Variants in CCDC15 observed in about 807,000 individuals in gnomAD.
CCDC15 encodes coiled-coil domain containing 15, also known as coiled-coil domain-containing protein 15.
CCDC15 carries 105 observed loss-of-function variants against 114.5 expected under a neutral mutation model. The observed-to-expected ratio is 0.92, with a 90% CI of 0.78 to 1.08. The LOEUF is 1.08. Ranked by LOEUF, CCDC15 falls within the 50% of genes least tolerant of loss-of-function variation. The probability of loss-of-function intolerance (pLI) is 0.00; values close to 1 mark genes in which losing one functional copy is unlikely to be tolerated. For synonymous variants in CCDC15, 334 were observed against 377.8 expected (o/e 0.88, Z 1.34); for missense variants, 1,105 against 1,093.6 (o/e 1.01, Z -0.15).
At chr11:124,999,901 AC>A (rs1948445464) in intron 11 of CCDC15, among the ~76,000 whole-genome samples, 1 of 120,442 alleles carries the variant, frequency 8.3e-6, no homozygotes, top group Admixed American at 1.2e-4. Flanking sequence ...TTGCTCTGTC[AC>A]CCAGGCTGGA....
At chr11:125,014,674 A>G (rs1948616427) in intron 13 of CCDC15, among the ~76,000 whole-genome samples, 1 of 152,166 alleles carries the variant, frequency 6.6e-6, no homozygotes, top group African/African-American at 2.4e-5. Flanking sequence ...AAAGACAACA[A>G]ACTTAACAGT....
intron 2 of CCDC15, among the ~76,000 whole-genome samples, chr11:124,958,276 G>A (rs185410845): frequency 2.5e-4 from 38 of 152,240 alleles, no homozygotes; most frequent in African/African-American, 9.1e-4. Flanking sequence ...CCAACATGCG[G>A]CCATGGGCCA....
At chr11:124,972,008 A>G (rs1947891602) in intron 4 of CCDC15, among the ~76,000 whole-genome samples, 1 of 152,158 alleles carries the variant, frequency 6.6e-6, no homozygotes, top group African/African-American at 2.4e-5. Context: ...TATATTAAAC[A>G]TTTATGTTGT....
chr11:124,986,470 CAT>C (rs773009913), intron 6 of CCDC15, among the ~76,000 whole-genome samples: 31 of 152,244 alleles, frequency 2.0e-4, no homozygotes, highest in African/African-American at 7.2e-5. Flanking sequence ...GATCCATGAA[CAT>C]GTTATGTCTT....
At chr11:125,038,220 A>G (rs1948789170) in intron 13 of CCDC15, 1 of 355,460 alleles carries the variant, frequency 2.8e-6, no homozygotes, top group Non-Finnish European at 5.0e-6. Context: ...GCACCTAGCC[A>G]GGAAGAACTC....
At chr11:125,033,862 C>T (rs1948757729) in intron 13 of CCDC15, among the ~76,000 whole-genome samples, 1 of 152,212 alleles carries the variant, frequency 6.6e-6, no homozygotes, top group South Asian at 2.1e-4. Flanking sequence ...CTTCTATCAT[C>T]ATCCCACACC....
At chr11:125,018,352 A>G (rs956527091) in intron 13 of CCDC15, among the ~76,000 whole-genome samples, 5 of 152,122 alleles carry the variant, frequency 3.3e-5, no homozygotes, top group Non-Finnish European at 7.4e-5. Flanking sequence ...GCTATACCAT[A>G]TAGCCTGGTT....
chr11:124,959,390 GAAGACAGTAA>G (rs1947616357), intron 3 of CCDC15, 126 bp downstream of exon 3: 1 of 817,308 alleles, frequency 1.2e-6, no homozygotes, highest in Non-Finnish European at 1.8e-6. Context: ...ATTAACTAGT[GAAGACAGTAA>G]ATTTTTTTTG....
chr11:124,968,761 G>A (rs933905340), intron 4 of CCDC15, among the ~76,000 whole-genome samples: 15 of 152,114 alleles, frequency 9.9e-5, no homozygotes, highest in East Asian at 1.9e-4. Context: ...GCTGCAGACC[G>A]GAGCTGTTCC....
chr11:125,018,029 A>G (rs1948639744), intron 13 of CCDC15, among the ~76,000 whole-genome samples: 1 of 152,080 alleles, frequency 6.6e-6, no homozygotes, highest in African/African-American at 2.4e-5. Context: ...ATTATTGAAG[A>G]AAGAAAATTA....
chr11:125,012,189 A>G (rs534038659), intron 13 of CCDC15, among the ~76,000 whole-genome samples: 1 of 152,234 alleles, frequency 6.6e-6, no homozygotes, highest in East Asian at 1.9e-4. Context: ...CCTGGAGCAG[A>G]GTATAGATGG....
intron 8 of CCDC15, among the ~76,000 whole-genome samples, chr11:124,989,363 G>A (rs1476589170): frequency 2.0e-5 from 3 of 152,082 alleles, no homozygotes; most frequent in Non-Finnish European, 4.4e-5. Context: ...CTGTCATCTT[G>A]GCTTTGTTAT....
chr11:125,010,445 G>A (rs1477114409), intron 13 of CCDC15, among the ~76,000 whole-genome samples: 1 of 149,794 alleles, frequency 6.7e-6, no homozygotes, highest in East Asian at 2.0e-4. Context: ...TCACTGCAAT[G>A]TCTGCCTCCC....
At chr11:124,966,340 A>T (rs527427268) in intron 4 of CCDC15, among the ~76,000 whole-genome samples, 1 of 152,144 alleles carries the variant, frequency 6.6e-6, no homozygotes, top group African/African-American at 2.4e-5. Flanking sequence ...TTGGGTGTAT[A>T]TACATTTAGG....
chr11:124,995,714 A>C (rs773278298), intron 11 of CCDC15, among the ~76,000 whole-genome samples: 1 of 152,198 alleles, frequency 6.6e-6, no homozygotes, highest in Non-Finnish European at 1.5e-5. Flanking sequence ...CACAAAGCAC[A>C]CAAGAGGGGT....
intron 13 of CCDC15, among the ~76,000 whole-genome samples, chr11:125,027,736 A>G (rs1948713723): frequency 6.6e-6 from 1 of 151,648 alleles, no homozygotes; most frequent in Non-Finnish European, 1.5e-5. Flanking sequence ...TTTTTAGTTT[A>G]ATTAGGTACC....
intron 12 of CCDC15, among the ~76,000 whole-genome samples, chr11:125,004,435 C>G (rs906137019): frequency 6.6e-6 from 1 of 151,994 alleles, no homozygotes; most frequent in Admixed American, 6.6e-5. Flanking sequence ...AAAAATACCA[C>G]TGGTGATTCT....
intron 13 of CCDC15, among the ~76,000 whole-genome samples, chr11:125,034,286 C>T (rs1948760808): frequency 6.6e-6 from 1 of 152,208 alleles, no homozygotes; most frequent in Non-Finnish European, 1.5e-5. Flanking sequence ...GGTCCTCCCA[C>T]ATATCCCCAT....
chr11:125,036,758 CTG>C (rs1396774086), intron 13 of CCDC15, among the ~76,000 whole-genome samples: 1 of 152,000 alleles, frequency 6.6e-6, no homozygotes, highest in African/African-American at 2.4e-5. Flanking sequence ...TATTAACAGA[CTG>C]TGATGCATTC....
Sources: gnomAD v4.1 joint callset for allele counts (sites outside exome capture counted in the v4.1 genomes callset) on GRCh38, gnomAD v4.1.1 for gene constraint, MANE v1.5 for transcripts, NCBI Gene and HGNC (gene_info 2026-07-23, HGNC 2026-07-21) for gene names.